SGCZ: variants seen among roughly 807,000 people sequenced by gnomAD.
SGCZ encodes zeta-sarcoglycan.
SGCZ carries 40 observed loss-of-function variants against 41.3 expected under a neutral mutation model. The ratio of observed to expected loss-of-function variants is 0.97; its 90% CI spans 0.75 to 1.26. The LOEUF is 1.26. SGCZ is among the 50% of genes most tolerant of loss of function. The pLI is 0.00. For missense variants in SGCZ, 552 were observed against 369.8 expected, an observed-to-expected ratio of 1.49 and a Z score of -4.04; for synonymous variants, 206 against 137.5, an observed-to-expected ratio of 1.50 and a Z score of -3.49.
At chr8:14,884,462 C>T (rs1804713927) in intron 1 of SGCZ, among the ~76,000 whole-genome samples, 1 of 152,016 alleles carries the variant, frequency 6.6e-6, no homozygotes, top group East Asian at 1.9e-4. Flanking sequence ...CATTCTTAGA[C>T]ATTGCCCTTC....
intron 1 of SGCZ, among the ~76,000 whole-genome samples, chr8:14,870,215 C>T (rs551150522): frequency 2.6e-5 from 4 of 152,138 alleles, no homozygotes; most frequent in African/African-American, 7.2e-5. Flanking sequence ...GTACTAGTAC[C>T]AGAACAGATA....
At chr8:15,202,869 G>A (rs895794540) in intron 1 of SGCZ, among the ~76,000 whole-genome samples, 7 of 152,158 alleles carry the variant, frequency 4.6e-5, no homozygotes, top group African/African-American at 1.4e-4. Context: ...CCAGAACGTC[G>A]GGAATCCAAG....
intron 1 of SGCZ, among the ~76,000 whole-genome samples, chr8:14,829,208 G>C (rs1000557565): frequency 1.3e-5 from 2 of 149,596 alleles, no homozygotes; most frequent in Non-Finnish European, 3.0e-5. Context: ...CCAACACTCT[G>C]ATAGGCCCCA....
chr8:14,916,740 G>A (rs141086053), intron 1 of SGCZ, among the ~76,000 whole-genome samples: 2 of 152,216 alleles, frequency 1.3e-5, no homozygotes, highest in African/African-American at 2.4e-5. Flanking sequence ...ACAGAAAACT[G>A]TTATTGTGTA....
chr8:14,220,455 G>A (rs1047062028), intron 4 of SGCZ, among the ~76,000 whole-genome samples: 5 of 152,154 alleles, frequency 3.3e-5, no homozygotes, highest in African/African-American at 1.2e-4. Context: ...CTGAGCTTCT[G>A]GGGTGCTGTT....
intron 2 of SGCZ, among the ~76,000 whole-genome samples, chr8:14,504,601 G>C (rs1802250796): frequency 6.6e-6 from 1 of 151,864 alleles, no homozygotes; most frequent in Non-Finnish European, 1.5e-5. Context: ...TTGTTTCTTT[G>C]TTTTTTCTGT....
chr8:14,439,683 T>C (rs946624769), intron 2 of SGCZ, among the ~76,000 whole-genome samples: 2 of 151,940 alleles, frequency 1.3e-5, no homozygotes, highest in Non-Finnish European at 2.9e-5. Flanking sequence ...AATTACATTA[T>C]CATATGAACT....
At chr8:14,937,752 A>AT (rs575585895) in intron 1 of SGCZ, among the ~76,000 whole-genome samples, 1 of 151,918 alleles carries the variant, frequency 6.6e-6, no homozygotes, top group East Asian at 1.9e-4. Flanking sequence ...TCAAATACAT[A>AT]TTTTTTTCTC....
chr8:14,407,161 T>A (rs1280232903), intron 2 of SGCZ, among the ~76,000 whole-genome samples: 1 of 147,176 alleles, frequency 6.8e-6, no homozygotes, highest in Non-Finnish European at 1.5e-5. Context: ...TTCCACCTCC[T>A]GGGTTCAAGC....
At chr8:14,115,671 T>A (rs956088375) in intron 5 of SGCZ, among the ~76,000 whole-genome samples, 3 of 151,972 alleles carry the variant, frequency 2.0e-5, no homozygotes, top group Non-Finnish European at 4.4e-5. Context: ...AAATCTTTTT[T>A]AATTTTTTTT....
intron 1 of SGCZ, among the ~76,000 whole-genome samples, chr8:14,712,309 T>A (rs967036514): frequency 6.6e-6 from 1 of 152,214 alleles, no homozygotes; most frequent in Non-Finnish European, 1.5e-5. Flanking sequence ...TGAAATGCTG[T>A]CTACTCAAGT....
chr8:14,823,244 CA>C (rs201227370), intron 1 of SGCZ, among the ~76,000 whole-genome samples: 2 of 151,630 alleles, frequency 1.3e-5, no homozygotes, highest in South Asian at 2.1e-4. Flanking sequence ...TTACATCAAA[CA>C]AAAAAACGTT....
chr8:14,911,430 T>C (rs1332247922), intron 1 of SGCZ, among the ~76,000 whole-genome samples: 2 of 152,042 alleles, frequency 1.3e-5, no homozygotes, highest in Non-Finnish European at 2.9e-5. Context: ...CAAGAGCAGC[T>C]GCACACTGAA....
chr8:14,297,186 G>T (rs890148844), intron 3 of SGCZ, among the ~76,000 whole-genome samples: 1 of 152,076 alleles, frequency 6.6e-6, no homozygotes, highest in African/African-American at 2.4e-5. Flanking sequence ...GCCTCCAAAA[G>T]TGCTGGGATT....
chr8:14,255,416 T>C (rs933809826), intron 3 of SGCZ, among the ~76,000 whole-genome samples: 3 of 152,180 alleles, frequency 2.0e-5, no homozygotes, highest in Admixed American at 6.6e-5. Flanking sequence ...TAACACAATA[T>C]ACTTGTCCTT....
intron 1 of SGCZ, among the ~76,000 whole-genome samples, chr8:14,926,520 T>C (rs181420160): frequency 6.6e-6 from 1 of 152,326 alleles, no homozygotes; most frequent in East Asian, 1.9e-4. Flanking sequence ...AAACAAATGT[T>C]GTACTGAAAT....
chr8:14,927,509 G>A (rs1421279869), intron 1 of SGCZ, among the ~76,000 whole-genome samples: 2 of 151,888 alleles, frequency 1.3e-5, no homozygotes, highest in Admixed American at 6.6e-5. Flanking sequence ...ACAAGGTAGA[G>A]AAATAAGAAG....
intron 2 of SGCZ, among the ~76,000 whole-genome samples, chr8:14,348,444 A>G (rs554051355): frequency 1.2e-3 from 184 of 152,296 alleles, no homozygotes; most frequent in African/African-American, 4.3e-3. Flanking sequence ...CCACAAACTC[A>G]GTAGACATAT....
intron 1 of SGCZ, among the ~76,000 whole-genome samples, chr8:14,915,368 G>A (rs1799401749): frequency 6.6e-6 from 1 of 152,062 alleles, no homozygotes; most frequent in Non-Finnish European, 1.5e-5. Context: ...AAGGGACTAG[G>A]AGTCCTCGGT....
Sources: gnomAD v4.1 joint callset for allele counts (sites outside exome capture counted in the v4.1 genomes callset) on GRCh38, gnomAD v4.1.1 for gene constraint, MANE v1.5 for transcripts, NCBI Gene and HGNC (gene_info 2026-07-23, HGNC 2026-07-21) for gene names.